The following HMCN1 variants were observed in gnomAD, a reference collection of about 807,000 sequenced individuals.
HMCN1 encodes the protein hemicentin 1, also known as hemicentin-1.
In HMCN1, 321 loss-of-function variants were observed where a neutral mutation model predicts 625.9. The observed-to-expected ratio is 0.51, with a 90% CI of 0.47 to 0.56. The LOEUF (loss-of-function observed/expected upper bound fraction) is 0.56. Ranked by LOEUF, HMCN1 falls within the 20% of genes least tolerant of loss-of-function variation. HMCN1 has a pLI of 0.00. For missense variants in HMCN1, 6,588 were observed against 6,887.3 expected, an observed-to-expected ratio of 0.96 and a Z score of 1.54; for synonymous variants, 2,425 against 2,417.6, an observed-to-expected ratio of 1.00 and a Z score of -0.09.
At chr1:185,805,656 C>G (rs2102234157) in intron 1 of HMCN1, among the ~76,000 whole-genome samples, 1 of 152,240 alleles carries the variant, frequency 6.6e-6, no homozygotes, top group Non-Finnish European at 1.5e-5. Flanking sequence ...CAAATTTATT[C>G]TGGAAAGCAG....
intron 21 of HMCN1, 28 bp from the exon 22 acceptor site, chr1:185,990,247 T>C (rs1396993305): frequency 6.2e-7 from 1 of 1,602,562 alleles, no homozygotes; most frequent in African/African-American, 1.3e-5. Flanking sequence ...ATATACTGTT[T>C]CCCTTCCAAA....
intron 36 of HMCN1, among the ~76,000 whole-genome samples, chr1:186,036,532 C>T (rs1327293553): frequency 6.6e-6 from 1 of 152,036 alleles, no homozygotes; most frequent in South Asian, 2.1e-4. Context: ...CTCCCAGCTA[C>T]AATTCAAGAT....
chr1:185,792,819 C>A (rs1216613919), intron 1 of HMCN1, among the ~76,000 whole-genome samples: 1 of 152,112 alleles, frequency 6.6e-6, no homozygotes, highest in Non-Finnish European at 1.5e-5. Flanking sequence ...TCTACGATCA[C>A]CCCCATGTGT....
intron 15 of HMCN1, among the ~76,000 whole-genome samples, chr1:185,972,514 T>C (rs1334675159): frequency 6.6e-6 from 1 of 152,224 alleles, no homozygotes; most frequent in Non-Finnish European, 1.5e-5. Flanking sequence ...TCATTCTCTG[T>C]GACCCTTTCT....
intron 69 of HMCN1, among the ~76,000 whole-genome samples, chr1:186,106,254 A>C (rs1253921062): frequency 6.6e-6 from 1 of 152,226 alleles, no homozygotes; most frequent in Non-Finnish European, 1.5e-5. Context: ...GTGTCTACAC[A>C]ATCTCAAACA....
intron 16 of HMCN1, chr1:185,978,214 T>A (rs1651366095): frequency 4.3e-6 from 2 of 460,378 alleles, no homozygotes; most frequent in Admixed American, 7.6e-5. Flanking sequence ...TATGAAACAA[T>A]ATGACTTCTT....
At chr1:186,113,439 T>A (rs1423500684) in intron 72 of HMCN1, among the ~76,000 whole-genome samples, 1 of 152,252 alleles carries the variant, frequency 6.6e-6, no homozygotes, top group African/African-American at 2.4e-5. Flanking sequence ...TATAAAATTT[T>A]ACAGAATATT....
chr1:186,031,808 C>T (rs544221213), intron 36 of HMCN1, among the ~76,000 whole-genome samples: 2 of 152,060 alleles, frequency 1.3e-5, no homozygotes, highest in South Asian at 4.2e-4. Context: ...TTTTATTACA[C>T]TTTAGAATTT....
At chr1:185,983,162 T>G (rs1246453359) in intron 18 of HMCN1, among the ~76,000 whole-genome samples, 1 of 152,148 alleles carries the variant, frequency 6.6e-6, no homozygotes, top group Non-Finnish European at 1.5e-5. Context: ...TGTCATTGTT[T>G]TTCGGTGTAA....
In HMCN1 at chr1:186,153,670, T is replaced by C. The variant is rs1486162426; in HGVS notation, c.15019-80T>C. On this transcript the variant is annotated intron_variant, in intron 96 of 106. Coordinates refer to ENST00000271588, the MANE Select transcript of HMCN1 (RefSeq NM_031935.3). ...GCTCCTAATCCTTTTTCCCCGCTCA[T>C]TCTGCATTTCATAGTCCCCTTAAGG... 7.2e-6 allele frequency: 8 copies of C among 1,109,400 alleles called. No homozygotes were observed. In the East Asian group the frequency reaches 1.9e-4, roughly 26 times the overall value. 68.7% of individuals were successfully genotyped at this position (1,109,400 alleles called of 1,614,324 possible).
rs6665753 is a variant in HMCN1 at position 186,015,385 on chromosome 1, T to C, written c.4857T>C (p.His1619=). 727,098 of 1,612,866 alleles carry C rather than the reference T, an allele frequency of 0.45. 170,460 individuals are homozygous for C. The highest frequency in any genetic ancestry group is 0.48 in the Non-Finnish European group (564,043 of 1,179,122). Residue 1619 remains histidine, a synonymous_variant, in exon 31 of 107, where the codon CAT becomes CAC. Coordinates refer to ENST00000271588, the MANE Select transcript of HMCN1 (RefSeq NM_031935.3). Reference sequence around the variant, plus strand: ...CTGATTCAGCAACATATACGTGTCATGTAGCCAATGTTGCTGGAACTGCTG... The same window carrying C: ...CTGATTCAGCAACATATACGTGTCACGTAGCCAATGTTGCTGGAACTGCTG... ...QVSDSATYTC[H]VANVAGTAEK...
rs146733569 is a variant in HMCN1, at chr1:185,880,059, T to C, written c.621+14196T>C. ...TGAAAAGGCTGCCCTGGGTTCAATC[T>C]CTAAGATATATGGGGTGCAGGATAA... On this transcript the variant is annotated intron_variant, in intron 4 of 106. Transcript: ENST00000271588. Among the ~76,000 whole-genome samples, 21 of 152,294 alleles carry C rather than the reference T, an allele frequency of 1.4e-4. No individual in the cohort carries two copies. The East Asian group carries it at 1.7e-3, about 13-fold the overall frequency.
chr1:186,139,596 TG>T (rs1213490298), intron 89 of HMCN1, among the ~76,000 whole-genome samples: 2 of 150,784 alleles, frequency 1.3e-5, no homozygotes, highest in Admixed American at 6.6e-5. Context: ...TCTATTGGCT[TG>T]TTTTTTTTTT....
At chr1:185,856,316 C>T (rs1318571307) in intron 2 of HMCN1, among the ~76,000 whole-genome samples, 1 of 152,002 alleles carries the variant, frequency 6.6e-6, no homozygotes, top group African/African-American at 2.4e-5. Flanking sequence ...TGGTGAAACG[C>T]TGTCTCTACT....
At chr1:186,046,118 GTGTGCC>G (rs1656553121) in intron 41 of HMCN1, among the ~76,000 whole-genome samples, 1 of 152,006 alleles carries the variant, frequency 6.6e-6, no homozygotes, top group Non-Finnish European at 1.5e-5. Flanking sequence ...ATAATCCAAG[GTGTGCC>G]TCACCTTCAG....
Position 186,055,552 on chromosome 1 carries a change from T to C in HMCN1, c.7022T>C (p.Ile2341Thr). ...HPLIKAKGVE[I>T]LDEGHILQLK... ...TTGATCAAGGCAAAGGGAGTAGAAA[T>C]ACTGGATGAAGGTCACATCCTTCAG... The change falls in exon 45 of 107, where the codon ATA (isoleucine) becomes ACA (threonine). Residue 2341 changes from isoleucine to threonine, a missense_variant. By Grantham distance (89) the Ile-to-Thr change is moderately conservative. This residue lies in a region of HMCN1 where 4,628 missense variants were observed against 4,853.1 expected (regional missense o/e 0.95). Coordinates refer to ENST00000271588, the MANE Select transcript of HMCN1 (RefSeq NM_031935.3). 4 of 1,612,830 alleles carry C rather than the reference T, an allele frequency of 2.5e-6. No homozygotes were observed. Among genetic ancestry groups the C allele is most frequent in the Non-Finnish European group, 2.5e-6 (3 of 1,179,264 alleles).
chr1:185,887,273 A>G (rs902244609), intron 4 of HMCN1, among the ~76,000 whole-genome samples: 1 of 152,022 alleles, frequency 6.6e-6, no homozygotes, highest in African/African-American at 2.4e-5. Flanking sequence ...CAGTGAAATA[A>G]TTCAATAGCT....
chr1:185,931,268 G>C (rs1214414619), intron 10 of HMCN1, among the ~76,000 whole-genome samples: 1 of 151,968 alleles, frequency 6.6e-6, no homozygotes, highest in African/African-American at 2.4e-5. Context: ...TTTCCTTTCT[G>C]CTACCCTAAT....
chr1:185,792,958 T>C (rs1658103168), intron 1 of HMCN1, among the ~76,000 whole-genome samples: 1 of 152,246 alleles, frequency 6.6e-6, no homozygotes, highest in African/African-American at 2.4e-5. Flanking sequence ...TTTCAGTCTC[T>C]AGGCTCAAGA....
Sources: allele counts gnomAD v4.1 joint callset (sites outside exome capture counted in the v4.1 genomes callset), GRCh38; gene constraint gnomAD v4.1.1; regional missense constraint gnomAD v4.1.1; transcripts MANE v1.5; gene names NCBI Gene and HGNC (gene_info 2026-07-23, HGNC 2026-07-21).